NAA25: variants seen among roughly 807,000 people sequenced by gnomAD.
NAA25 encodes the protein N-alpha-acetyltransferase 25, NatB auxiliary subunit, also known as N-terminal acetyltransferase B complex subunit NAA25.
NAA25 carries 30 observed loss-of-function variants against 132.5 expected under a neutral mutation model. The observed-to-expected ratio is 0.23, with a 90% CI of 0.17 to 0.31. NAA25 has a LOEUF of 0.31. NAA25 is among the 10% of genes least tolerant of loss of function. The pLI, the probability that NAA25 is intolerant of heterozygous loss-of-function variation, is 1.00. For synonymous variants in NAA25, 359 were observed against 401.9 expected, an observed-to-expected ratio of 0.89 and a Z score of 1.28; for missense variants, 771 against 1,150.4, an observed-to-expected ratio of 0.67 and a Z score of 4.77.
At position 112,071,328 on chromosome 12, in the gene NAA25, T is replaced by C. The variant is rs143090037; in HGVS notation, c.1036+567A>G. Among the ~76,000 whole-genome samples, 422 of 151,890 alleles carry C rather than the reference T, an allele frequency of 2.8e-3. 13 individuals carry two copies. The highest frequency in any genetic ancestry group is 0.024 in the Admixed American group (367 of 15,254). The stretch of plus-strand genomic sequence containing the variant: ...GAGCCAATGCACCCAGCCAGGTTTT[T>C]TTATTTTTTTAAATTAAATTTTTGA... On this transcript the variant is annotated intron_variant, in intron 10 of 23. Transcript: ENST00000261745.
chr12:112,083,972 A>G (rs955918131), intron 4 of NAA25, among the ~76,000 whole-genome samples: 2 of 152,262 alleles, frequency 1.3e-5, no homozygotes, highest in African/African-American at 4.8e-5. Flanking sequence ...AGATAAAAAT[A>G]TATAACATTA....
At chr12:112,073,593 C>T (rs1188408260) in intron 9 of NAA25, among the ~76,000 whole-genome samples, 1 of 152,110 alleles carries the variant, frequency 6.6e-6, no homozygotes. Context: ...CCCGCCACCA[C>T]GCCCAGCTAA....
chr12:112,096,550 C>G (rs921717292), intron 1 of NAA25, among the ~76,000 whole-genome samples: 7 of 152,138 alleles, frequency 4.6e-5, no homozygotes, highest in Non-Finnish European at 8.8e-5. Flanking sequence ...AGAAGCCTTA[C>G]TCTGTAGGAA....
intron 11 of NAA25, among the ~76,000 whole-genome samples, chr12:112,063,067 A>C (rs533745431): frequency 6.6e-6 from 1 of 152,114 alleles, no homozygotes; most frequent in Non-Finnish European, 1.5e-5. Flanking sequence ...CTCAAAAAAA[A>C]AGAAGAAAAG....
At chr12:112,062,773 G>C (rs974424702) in intron 11 of NAA25, among the ~76,000 whole-genome samples, 1 of 151,920 alleles carries the variant, frequency 6.6e-6, no homozygotes, top group Non-Finnish European at 1.5e-5. Flanking sequence ...TATGTGAAGA[G>C]GCCGGGAGCA....
intron 11 of NAA25, among the ~76,000 whole-genome samples, chr12:112,067,322 G>A (rs1329033296): frequency 6.6e-6 from 1 of 152,178 alleles, no homozygotes; most frequent in Non-Finnish European, 1.5e-5. Flanking sequence ...CAGACTGGGA[G>A]AATACATTTG....
intron 2 of NAA25, 63 bp downstream of exon 2, chr12:112,092,988 T>TAA: frequency 8.2e-7 from 1 of 1,221,964 alleles, no homozygotes; most frequent in Non-Finnish European, 1.2e-6. Flanking sequence ...CCTTTCTCTT[T>TAA]AAGGTAAGGA....
intron 4 of NAA25, among the ~76,000 whole-genome samples, chr12:112,087,248 A>G (rs2079070090): frequency 6.6e-6 from 1 of 152,164 alleles, no homozygotes; most frequent in Non-Finnish European, 1.5e-5. Flanking sequence ...CCCAGGCAAC[A>G]AGGATTTTCC....
In NAA25 at chr12:112,046,803, TCTTATTGA is replaced by T. The variant is rs1238242645; in HGVS notation, c.2006+854_2006+861del. On this transcript the variant is annotated intron_variant, in intron 17 of 23. Coordinates refer to ENST00000261745, the MANE Select transcript of NAA25 (RefSeq NM_024953.4). ...TGTTTCTTTGCCCAATTTCTTATTT[TCTTATTGA>T]CTTATTAAGAGTTCTCTCTATATAT... Among the ~76,000 whole-genome samples the T allele has an allele frequency of 2.6e-5, 4 of 152,304 alleles. No individual in the cohort carries two copies. In the East Asian group the frequency reaches 7.7e-4, roughly 29 times the overall value.
chr12:112,094,615 A>G (rs2079185968), intron 1 of NAA25, among the ~76,000 whole-genome samples: 1 of 152,148 alleles, frequency 6.6e-6, no homozygotes, highest in Admixed American at 6.6e-5. Context: ...GTAGGGAATG[A>G]ATTTCAATAA....
chr12:112,068,395 G>A (rs892574925), intron 11 of NAA25, among the ~76,000 whole-genome samples: 2 of 152,054 alleles, frequency 1.3e-5, no homozygotes, highest in Non-Finnish European at 2.9e-5. Flanking sequence ...GCCACATACT[G>A]CACTAAATCC....
At chr12:112,099,018 C>G (rs557875223) in intron 1 of NAA25, among the ~76,000 whole-genome samples, 5 of 151,124 alleles carry the variant, frequency 3.3e-5, no homozygotes, top group Non-Finnish European at 5.9e-5. Context: ...GACAGAGTCT[C>G]ACTCTGTCGC....
chr12:112,075,601 C>T (rs2078884079), intron 8 of NAA25, 77 bp downstream of exon 8: 1 of 1,223,186 alleles, frequency 8.2e-7, no homozygotes, highest in Non-Finnish European at 1.2e-6. Context: ...CTTCAAAACA[C>T]AGACACCAAG....
intron 12 of NAA25, among the ~76,000 whole-genome samples, chr12:112,060,862 T>A (rs145991439): frequency 6.6e-6 from 1 of 152,318 alleles, no homozygotes; most frequent in African/African-American, 2.4e-5. Context: ...TCACTTACAG[T>A]CTATATATTA....
chr12:112,035,408 C>T (rs971047855), intron 22 of NAA25: 3 of 152,228 alleles, frequency 2.0e-5, no homozygotes. Flanking sequence ...TATTCTCTCA[C>T]CTCTGCCTCC....
At chr12:112,038,397 C>G (rs748510077) in intron 22 of NAA25, among the ~76,000 whole-genome samples, 1 of 152,138 alleles carries the variant, frequency 6.6e-6, no homozygotes, top group Non-Finnish European at 1.5e-5. Context: ...TATGGTTTTG[C>G]AGAGACCTGT....
chr12:112,076,587 C>T (rs2078898639), intron 7 of NAA25, among the ~76,000 whole-genome samples: 1 of 151,996 alleles, frequency 6.6e-6, no homozygotes, highest in African/African-American at 2.4e-5. Flanking sequence ...ATAGTTCTGA[C>T]CAAATTAGAT....
At chr12:112,072,326 G>A (rs989398810) in intron 9 of NAA25, among the ~76,000 whole-genome samples, 6 of 152,034 alleles carry the variant, frequency 3.9e-5, no homozygotes, top group Non-Finnish European at 8.8e-5. Context: ...AATACTGCCT[G>A]GCTGGGCGTG....
chr12:112,036,914 C>T (rs150424181), intron 22 of NAA25, among the ~76,000 whole-genome samples: 66 of 150,622 alleles, frequency 4.4e-4, no homozygotes, highest in Middle Eastern at 3.5e-3. Context: ...TGCATAAAAA[C>T]GCTGTCTAGT....
Sources: gnomAD v4.1 joint callset for allele counts (sites outside exome capture counted in the v4.1 genomes callset) on GRCh38, gnomAD v4.1.1 for gene constraint, MANE v1.5 for transcripts, NCBI Gene and HGNC (gene_info 2026-07-23, HGNC 2026-07-21) for gene names.